The following LDLRAD4 variants were observed in gnomAD, a reference collection of about 807,000 sequenced individuals.
The protein encoded by LDLRAD4 is low-density lipoprotein receptor class A domain-containing protein 4.
In LDLRAD4, 5 loss-of-function variants were observed where a neutral mutation model predicts 17.0. The observed-to-expected ratio is 0.29, with a 90% CI of 0.15 to 0.62. LDLRAD4 has a LOEUF of 0.62. Ranked by LOEUF, LDLRAD4 falls within the 20% of genes least tolerant of loss-of-function variation. The pLI is 0.84. For synonymous variants in LDLRAD4, 168 were observed against 171.8 expected (o/e 0.98, Z 0.17); for missense variants, 340 against 424.7 (o/e 0.80, Z 1.75).
At chr18:13,486,276 C>T (rs551921585) in intron 3 of LDLRAD4, among the ~76,000 whole-genome samples, 1 of 152,350 alleles carries the variant, frequency 6.6e-6, no homozygotes, top group East Asian at 1.9e-4. Flanking sequence ...TATTTTACTA[C>T]ATATTTATTT....
intron 1 of LDLRAD4, among the ~76,000 whole-genome samples, chr18:13,378,248 C>T (rs1054618898): frequency 2.6e-5 from 4 of 152,164 alleles, no homozygotes; most frequent in Admixed American, 1.3e-4. Flanking sequence ...AGGGACCAGG[C>T]AGCCTTCCCC....
intron 1 of LDLRAD4, among the ~76,000 whole-genome samples, chr18:13,308,157 A>G (rs536544595): frequency 5.3e-5 from 8 of 152,106 alleles, no homozygotes; most frequent in Non-Finnish European, 8.8e-5. Flanking sequence ...TCGACACTCA[A>G]TGTGCCTTAC....
chr18:13,510,615 T>C (rs2093762624), intron 3 of LDLRAD4, among the ~76,000 whole-genome samples: 1 of 152,154 alleles, frequency 6.6e-6, no homozygotes, highest in South Asian at 2.1e-4. Context: ...CCAGAATTCA[T>C]GACTATAGAA....
intron 1 of LDLRAD4, among the ~76,000 whole-genome samples, chr18:13,356,362 C>T (rs1000656547): frequency 2.6e-5 from 4 of 152,104 alleles, no homozygotes; most frequent in Non-Finnish European, 4.4e-5. Context: ...GCAAAGGACC[C>T]GGGTAAATGC....
At chr18:13,461,891 A>G (rs542935236) in intron 3 of LDLRAD4, among the ~76,000 whole-genome samples, 67 of 152,234 alleles carry the variant, frequency 4.4e-4, no homozygotes, top group Admixed American at 1.9e-3. Flanking sequence ...GGTACTTTCA[A>G]TTTTTCATCT....
intron 1 of LDLRAD4, among the ~76,000 whole-genome samples, chr18:13,255,979 C>T (rs763910416): frequency 6.6e-6 from 1 of 152,172 alleles, no homozygotes; most frequent in Non-Finnish European, 1.5e-5. Flanking sequence ...TCATCATGAT[C>T]TTGTTTCTGC....
Position 13,645,260 on chromosome 18 carries a change from C to G in LDLRAD4, c.524C>G (p.Ser175Cys), listed in dbSNP as rs1170450200. The G allele has an allele frequency of 1.2e-6, 2 of 1,614,086 alleles. No individual in the cohort carries two copies. Among genetic ancestry groups the G allele is most frequent in the Non-Finnish European group, 1.7e-6 (2 of 1,180,036 alleles). ...GATCTTCCTCCCACCATCTCCCTGT[C>G]CGACGGTGAAGAGCCACCTCCTTAC... The change falls in exon 6 of 6, where the codon TCC becomes TGC. Residue 175 changes from serine (S) to cysteine (C), a missense_variant. By Grantham distance (112) the Ser-to-Cys change is moderately radical. Transcript: ENST00000359446. The surrounding 1 kb of genome is among the most constrained non-coding windows in gnomAD (Gnocchi z 5.7).
chr18:13,272,793 C>T (rs894079960), intron 1 of LDLRAD4, among the ~76,000 whole-genome samples: 3 of 152,194 alleles, frequency 2.0e-5, no homozygotes, highest in African/African-American at 7.2e-5. Context: ...CTGGAGACCT[C>T]CTGTTGCTCT....
intron 3 of LDLRAD4, among the ~76,000 whole-genome samples, chr18:13,447,742 A>G (rs1351448210): frequency 6.6e-6 from 1 of 152,198 alleles, no homozygotes; most frequent in Non-Finnish European, 1.5e-5. Context: ...CGCAAAGGGA[A>G]AGAGGGATGG....
At chr18:13,519,358 G>A (rs943272897) in intron 3 of LDLRAD4, among the ~76,000 whole-genome samples, 14 of 152,068 alleles carry the variant, frequency 9.2e-5, no homozygotes, top group African/African-American at 3.1e-4. Context: ...GGAGGGAGCC[G>A]GGGAGCTGGG....
chr18:13,646,941 A>G (rs1348918342), exon 6 of LDLRAD4: 1 of 152,264 alleles, frequency 6.6e-6, no homozygotes, highest in African/African-American at 2.4e-5. Flanking sequence ...GCCCCTAGAA[A>G]TAATGACGGA....
At chr18:13,424,762 A>G (rs1359258097) in intron 2 of LDLRAD4, among the ~76,000 whole-genome samples, 1 of 152,182 alleles carries the variant, frequency 6.6e-6, no homozygotes, top group East Asian at 1.9e-4. Flanking sequence ...TCTAGGCAGG[A>G]GGAACCGTGT....
chr18:13,222,102 A>G (rs2041485760), intron 1 of LDLRAD4, among the ~76,000 whole-genome samples: 1 of 152,000 alleles, frequency 6.6e-6, no homozygotes, highest in South Asian at 2.1e-4. Flanking sequence ...GGATGTCCAC[A>G]CCCTTTATTA....
chr18:13,506,092 C>T (rs1432887014), intron 3 of LDLRAD4, among the ~76,000 whole-genome samples: 1 of 152,156 alleles, frequency 6.6e-6, no homozygotes, highest in Non-Finnish European at 1.5e-5. Flanking sequence ...TGTTTCCTGG[C>T]ATTGCTTCCT....
intron 3 of LDLRAD4, among the ~76,000 whole-genome samples, chr18:13,466,828 A>G (rs2146669545): frequency 6.6e-6 from 1 of 152,280 alleles, no homozygotes; most frequent in Middle Eastern, 3.4e-3. Flanking sequence ...CATTCTTGTT[A>G]TATCTTCACA....
chr18:13,576,541 T>C (rs959411802), intron 3 of LDLRAD4, among the ~76,000 whole-genome samples: 4 of 152,208 alleles, frequency 2.6e-5, no homozygotes, highest in African/African-American at 9.6e-5. Context: ...CTTTTCTGGC[T>C]TTCAACACTT....
At chr18:13,232,915 G>A (rs941879485) in intron 1 of LDLRAD4, among the ~76,000 whole-genome samples, 1 of 152,116 alleles carries the variant, frequency 6.6e-6, no homozygotes, top group Non-Finnish European at 1.5e-5. Flanking sequence ...GCTCTCCCTG[G>A]TGTGGTCCTC....
chr18:13,258,163 C>A (rs552497767), intron 1 of LDLRAD4, among the ~76,000 whole-genome samples: 1 of 152,322 alleles, frequency 6.6e-6, no homozygotes, highest in South Asian at 2.1e-4. Context: ...ACTTAGTATT[C>A]AGAAAAGAAA....
intron 3 of LDLRAD4, chr18:13,459,975 A>G (rs1421047924): frequency 1.3e-5 from 2 of 153,586 alleles, no homozygotes; most frequent in African/African-American, 2.4e-5. Flanking sequence ...GCCCTGTCAC[A>G]TGGTTAATGT....
Sources: allele counts gnomAD v4.1 joint callset (sites outside exome capture counted in the v4.1 genomes callset), GRCh38; gene constraint gnomAD v4.1.1; non-coding constraint Gnocchi (gnomAD v3.1); transcripts MANE v1.5; gene names NCBI Gene and HGNC (gene_info 2026-07-23, HGNC 2026-07-21).